Variants in HOXB2 observed in about 807,000 individuals in gnomAD.
The protein encoded by HOXB2 is homeobox B2, also known as homeobox protein Hox-B2.
A neutral mutation model predicts 13.1 loss-of-function variants in HOXB2; 14 were observed. The observed-to-expected ratio is 1.07, with a 90% CI of 0.71 to 1.67. The LOEUF is 1.67. HOXB2 is among the 40% of genes most tolerant of loss of function. The probability of loss-of-function intolerance (pLI) is 0.00; values close to 1 mark genes in which losing one functional copy is unlikely to be tolerated. For missense variants in HOXB2, 582 were observed against 488.3 expected (o/e 1.19, Z -1.81); for synonymous variants, 261 against 233.1 (o/e 1.12, Z -1.09).
Position 48,543,220 on chromosome 17 carries a change from G to C in HOXB2, c.919C>G (p.Leu307Val), listed in dbSNP as rs747404233. The part of the protein sequence containing the change: ...GRQDSPFLPD[L>V]NFFAADSCLQ... ...CAGGAGTCGGCCGCGAAGAAGTTGA[G>C]GTCGGGAAGGAAAGGTGAATCCTGG... The change falls in exon 2 of 2, where the codon CTC becomes GTC. Residue 307 changes from leucine (L) to valine (V), a missense_variant. By Grantham distance (32) the Leu-to-Val change is conservative (BLOSUM62 1). Coordinates refer to ENST00000330070, the MANE Select transcript of HOXB2 (RefSeq NM_002145.4). The C allele has an allele frequency of 6.2e-7, 1 of 1,613,592 alleles. No homozygotes were observed. The highest frequency in any genetic ancestry group is 8.5e-7 in the Non-Finnish European group (1 of 1,180,020).
In HOXB2 at chr17:48,544,623, A is replaced by C. The variant is rs776377508; in HGVS notation, c.289T>G (p.Trp97Gly). The C allele has an allele frequency of 1.2e-6, 2 of 1,611,438 alleles. No individual in the cohort carries two copies. The highest frequency in any genetic ancestry group is 1.7e-5 in the Admixed American group (1 of 59,980). The change falls in exon 1 of 2, where the codon TGG becomes GGG. Residue 97 changes from tryptophan to glycine, a missense_variant. Physicochemically the swap from Trp to Gly is radical, Grantham distance 184 (BLOSUM62 -2). Coordinates refer to ENST00000330070, the MANE Select transcript of HOXB2 (RefSeq NM_002145.4). ...PAAPPAPEFP[W>G]MKEKKSAKKP... Reference sequence around the variant, plus strand: ...TTGGCGGATTTCTTCTCTTTCATCCAAGGGAACTCGGGGGCCGGGGGGGCA... The same window carrying C: ...TTGGCGGATTTCTTCTCTTTCATCCCAGGGAACTCGGGGGCCGGGGGGGCA...
In HOXB2 at chr17:48,543,745, C is replaced by T; in HGVS notation, c.394G>A (p.Gly132Ser). ...CCACCAGCCTCCGGCAGTCCCAGGC[C>T]ATCTGCAGGGAAAACAGGCTCGGCG... ...PASGVGSPAD[G>S]LGLPEAGGGG... Residue 132 changes from glycine to serine, a missense_variant and splice_region_variant, in exon 2 of 2, where the codon GGC (glycine) becomes AGC (serine). Physicochemically the swap from Gly to Ser is moderately conservative, Grantham distance 56 (BLOSUM62 0). Transcript: ENST00000330070. The T allele has an allele frequency of 1.9e-6, 3 of 1,594,812 alleles. No homozygotes were observed. The highest frequency in any genetic ancestry group is 2.6e-6 in the Non-Finnish European group (3 of 1,170,744).
rs1053287732 is a variant in HOXB2 at position 48,543,003 on chromosome 17, G to T, written c.*65C>A. 4 of 1,362,938 alleles carry T rather than the reference G, an allele frequency of 2.9e-6. No individual in the cohort carries two copies. The highest frequency in any genetic ancestry group is 2.9e-5 in the African/African-American group (2 of 68,148). 84.4% of individuals were successfully genotyped at this position (1,362,938 alleles called of 1,614,324 possible). On this transcript the variant is annotated 3_prime_UTR_variant, in exon 2 of 2. Transcript: ENST00000330070. Reference sequence around the variant, plus strand: ...GTCTATGCGACTGAGGGTGGGAGAGGCTCGATTTTTCCAGTAGACGGCCAA... The same window carrying T: ...GTCTATGCGACTGAGGGTGGGAGAGTCTCGATTTTTCCAGTAGACGGCCAA...
At chr17:48,544,003 T>G in intron 1 of HOXB2, 4 of 1,251,280 alleles carry the variant, frequency 3.2e-6, no homozygotes, top group Admixed American at 3.9e-5. Flanking sequence ...GCGGCTCCCT[T>G]CGGCGCCGGA....
chr17:48,544,046 G>T (rs1338215065), intron 1 of HOXB2: 3 of 1,248,148 alleles, frequency 2.4e-6, no homozygotes, highest in Non-Finnish European at 3.0e-6. Flanking sequence ...CCTCCCAGTG[G>T]ACCCCTCAAT....
In HOXB2 at chr17:48,544,935, G is replaced by C; in HGVS notation, c.-24C>G. The C allele has an allele frequency of 7.9e-6, 10 of 1,261,516 alleles. No homozygotes were observed. Among genetic ancestry groups the C allele is most frequent in the Admixed American group, 2.2e-5 (1 of 46,280 alleles). 78.1% of individuals were successfully genotyped at this position (1,261,516 alleles called of 1,614,324 possible). ...ATGGCTTTCAATGGTGGGGGAGGGG[G>C]CTGCTGGGGGGGGCGTCAGGAGGGA... On this transcript the variant is annotated 5_prime_UTR_variant, in exon 1 of 2. Coordinates refer to ENST00000330070, the MANE Select transcript of HOXB2 (RefSeq NM_002145.4).
In HOXB2 at chr17:48,543,297, C is replaced by CCGCGCAG; in HGVS notation, c.835_841dup (p.Gly281AlafsTer47). ...TGGCCCGGGCTCCAGCCCGCCGGCC[C>CCGCGCAG]CGCGCAGCGCGCAGCCGGGACTCGA... On this transcript the variant is annotated frameshift_variant, in exon 2 of 2. Coordinates refer to ENST00000330070, the MANE Select transcript of HOXB2 (RefSeq NM_002145.4). LOFTEE classifies it high-confidence loss of function. The CCGCGCAG allele has an allele frequency of 6.2e-7, 1 of 1,603,172 alleles. No homozygotes were observed. The highest frequency in any genetic ancestry group is 8.5e-7 in the Non-Finnish European group (1 of 1,178,484).
In HOXB2 at chr17:48,544,940, T is replaced by TGGGGGGGGCGGGGGCGGCG; in HGVS notation, c.-30_-29insCGCCGCCCCCGCCCCCCCC. 3.7e-6 allele frequency: 1 copy of TGGGGGGGGCGGGGGCGGCG among 271,662 alleles called. No individual in the cohort carries two copies. Among genetic ancestry groups the TGGGGGGGGCGGGGGCGGCG allele is most frequent in the Non-Finnish European group, 5.9e-6 (1 of 170,466 alleles). 16.8% of individuals were successfully genotyped at this position (271,662 alleles called of 1,614,324 possible). ...TTTCAATGGTGGGGGAGGGGGCTGC[T>TGGGGGGGGCGGGGGCGGCG]GGGGGGGGCGTCAGGAGGGAGGATC... On this transcript the variant is annotated 5_prime_UTR_variant, in exon 1 of 2. Coordinates refer to ENST00000330070, the MANE Select transcript of HOXB2 (RefSeq NM_002145.4).
In HOXB2 at chr17:48,543,268, G is replaced by C; in HGVS notation, c.871C>G (p.Pro291Ala). The change falls in exon 2 of 2, where the codon CCA becomes GCA. Residue 291 changes from proline (P) to alanine (A), a missense_variant. By Grantham distance (27) the Pro-to-Ala change is conservative. Coordinates refer to ENST00000330070, the MANE Select transcript of HOXB2 (RefSeq NM_002145.4). ...TGGCGCCCCGAGAAGACGTCTTCTG[G>C]CAATGGCCCGGGCTCCAGCCCGCCG... ...GAGGLEPGPL[P>A]EDVFSGRQDS... is the part of the protein sequence containing the mutation. 1 of 1,607,684 alleles carries C rather than the reference G, an allele frequency of 6.2e-7. No individual in the cohort carries two copies. The highest frequency in any genetic ancestry group is 8.5e-7 in the Non-Finnish European group (1 of 1,179,562).
At chr17:48,544,147 A>G in intron 1 of HOXB2, 1 of 985,270 alleles carries the variant, frequency 1.0e-6, no homozygotes, top group African/African-American at 1.7e-5. Flanking sequence ...CTCTTCTCCT[A>G]GAGTTGGGGC....
At position 48,544,982 on chromosome 17, in the gene HOXB2, C is replaced by G; in HGVS notation, c.-71G>C. 7.9e-7 allele frequency: 1 copy of G among 1,263,188 alleles called. No homozygotes were observed. Among genetic ancestry groups the G allele is most frequent in the Non-Finnish European group, 1.1e-6 (1 of 933,418 alleles). The allele number at this position is 1,263,188 out of a possible 1,614,324, so 78.2% of individuals were successfully genotyped here. A position where few individuals can be genotyped will look rare whatever the true frequency, so the allele number is the denominator to read the frequency against. On this transcript the variant is annotated 5_prime_UTR_variant, in exon 1 of 2. Transcript: ENST00000330070. ...GGGAGGATCGGAAGGGACCCCCCTC[C>G]TGCACCCCCCCCGATTTATGTAATG...
chr17:48,544,891 C>G lies in HOXB2; in HGVS notation c.21G>C (p.Arg7Ser). The G allele has an allele frequency of 1.2e-6, 2 of 1,606,204 alleles. No individual in the cohort carries two copies. Among genetic ancestry groups the G allele is most frequent in the Non-Finnish European group, 1.7e-6 (2 of 1,175,182 alleles). Residue 7 changes from arginine to serine, a missense_variant, in exon 1 of 2, where the codon AGG (arginine) becomes AGC (serine). Coordinates refer to ENST00000330070, the MANE Select transcript of HOXB2 (RefSeq NM_002145.4). MNFEFE[R>S]EIGFINSQPS... ...GCTGGCTGTTTATAAACCCAATCTC[C>G]CTCTCAAATTCAAAATTCATGGCTT... is the stretch of plus-strand genomic sequence containing the variant.
Position 48,543,677 on chromosome 17 carries a change from C to T in HOXB2, c.462G>A (p.Gln154=). The part of the protein sequence containing the change: ...RRLRTAYTNT[Q]LLELEKEFHF... ...GGAATTCCTTCTCCAGTTCCAGCAG[C>T]TGCGTGTTGGTGTAAGCCGTGCGCA... The change falls in exon 2 of 2, where the codon CAG becomes CAA. Residue 154 remains glutamine, a synonymous_variant. Transcript: ENST00000330070. 3 of 1,613,376 alleles carry T rather than the reference C, an allele frequency of 1.9e-6. No individual in the cohort carries two copies. The highest frequency in any genetic ancestry group is 2.5e-6 in the Non-Finnish European group (3 of 1,179,954).
intron 1 of HOXB2, chr17:48,544,307 T>C (rs769057948): frequency 7.2e-5 from 100 of 1,392,056 alleles, no homozygotes; most frequent in Non-Finnish European, 7.8e-5. Flanking sequence ...AAATCAGCCA[T>C]AGGGAGAGAA....
intron 1 of HOXB2, chr17:48,544,098 T>A (rs1316738833): frequency 9.1e-6 from 9 of 985,202 alleles, no homozygotes; most frequent in African/African-American, 1.7e-5. Context: ...TCAGAAAGAT[T>A]GTTCTTCACC....
At chr17:48,543,788 C>T (rs1026888063) in intron 1 of HOXB2, 41 bp from the exon 2 acceptor site, 1 of 1,546,638 alleles carries the variant, frequency 6.5e-7, no homozygotes, top group Non-Finnish European at 8.7e-7. Flanking sequence ...GGGCCGTGTA[C>T]TCAGCCCAAC....
rs2068513971 is a variant in HOXB2 at position 48,543,009 on chromosome 17, T to C, written c.*59A>G. 3 of 1,435,132 alleles carry C rather than the reference T, an allele frequency of 2.1e-6. No individual in the cohort carries two copies. Among genetic ancestry groups the C allele is most frequent in the Admixed American group, 4.7e-5 (2 of 42,384 alleles). The allele number at this position is 1,435,132 out of a possible 1,614,324, so 88.9% of individuals were successfully genotyped here. The stretch of plus-strand genomic sequence containing the variant: ...GCGACTGAGGGTGGGAGAGGCTCGA[T>C]TTTTCCAGTAGACGGCCAAGGAGCG... On this transcript the variant is annotated 3_prime_UTR_variant, in exon 2 of 2. Coordinates refer to ENST00000330070, the MANE Select transcript of HOXB2 (RefSeq NM_002145.4).
rs1331061539 is a variant in HOXB2, at chr17:48,543,371, T to G, written c.768A>C (p.Leu256Phe). 1.3e-6 allele frequency: 2 copies of G among 1,590,270 alleles called. No homozygotes were observed. Among genetic ancestry groups the G allele is most frequent in the Non-Finnish European group, 8.5e-7 (1 of 1,172,052 alleles). Residue 256 changes from leucine (L) to phenylalanine (F), a missense_variant, in exon 2 of 2, where the codon TTA (leucine) becomes TTC (phenylalanine). Leu to Phe is a conservative substitution (Grantham distance 22). Transcript: ENST00000330070. The stretch of plus-strand genomic sequence containing the variant: ...CGGCTAAAGGCCGGGGGTCCGCGCT[T>G]AAGGCCCCCGGCACCACCTCCGGCG... Reference protein sequence around the residue: ...CHPPEVVPGALSADPRPLAVR... With the variant: ...CHPPEVVPGAFSADPRPLAVR...
chr17:48,544,657 T>TGGCGGCGGCGGTGGC lies in HOXB2; in HGVS notation c.240_254dup (p.Pro81_Pro85dup), dbSNP rs2068548866. ...CGGGGGCCGGGGGGGCAGCGGGGAG[T>TGGCGGCGGCGGTGGC]GGCGGCGGCGGTGGCGGCGGCAGAG... On this transcript the variant is annotated inframe_insertion, in exon 1 of 2. Transcript: ENST00000330070. The TGGCGGCGGCGGTGGC allele has an allele frequency of 6.2e-7, 1 of 1,610,074 alleles. No individual in the cohort carries two copies.
Sources: allele counts gnomAD v4.1 joint callset, GRCh38; gene constraint gnomAD v4.1.1; transcripts MANE v1.5; gene names NCBI Gene and HGNC (gene_info 2026-07-23, HGNC 2026-07-21).